The following SOX13 variants were observed in gnomAD, a reference collection of about 807,000 sequenced individuals.
SOX13 encodes the protein transcription factor SOX-13.
A neutral mutation model predicts 71.8 loss-of-function variants in SOX13; 28 were observed. The ratio of observed to expected loss-of-function variants is 0.39; its 90% CI spans 0.29 to 0.53. The LOEUF is 0.53. Among genes scored for constraint, SOX13 ranks in the 20% least tolerant of loss-of-function variants. SOX13 has a pLI of 0.70. For missense variants in SOX13, 627 were observed against 810.3 expected (o/e 0.77, Z 2.75); for synonymous variants, 309 against 317.8 (o/e 0.97, Z 0.29).
At chr1:204,078,702 TCCCTGCC>T (rs1447241582) in intron 1 of SOX13, among the ~76,000 whole-genome samples, 3 of 152,086 alleles carry the variant, frequency 2.0e-5, no homozygotes, top group Non-Finnish European at 4.4e-5. Context: ...TCCTGTCAGC[TCCCTGCC>T]CCGAAGCAGG....
intron 1 of SOX13, among the ~76,000 whole-genome samples, chr1:204,080,667 A>G (rs960154273): frequency 1.3e-5 from 2 of 152,078 alleles, no homozygotes; most frequent in Non-Finnish European, 2.9e-5. Flanking sequence ...AAAGGGGGTG[A>G]GGAACCTGGA....
intron 1 of SOX13, among the ~76,000 whole-genome samples, chr1:204,097,559 C>T (rs1289709456): frequency 3.3e-5 from 5 of 151,614 alleles, no homozygotes; most frequent in Admixed American, 2.0e-4. Flanking sequence ...GGCGTGGTGG[C>T]GCATGCCTGT....
At position 204,089,346 on chromosome 1, in the gene SOX13, G is replaced by A. The variant is rs142132039; in HGVS notation, c.-2+15635G>A. Among the ~76,000 whole-genome samples the A allele has an allele frequency of 2.5e-3, 376 of 152,330 alleles. 1 individual carries two copies. Among genetic ancestry groups the A allele is most frequent in the Non-Finnish European group, 3.8e-3 (260 of 68,038 alleles). ...CCTCTGGACAGCATGGCATTCCCAT[G>A]CGAGCCCAGACAGCCCTGGGGAGCA... On this transcript the variant is annotated intron_variant, in intron 1 of 13. Transcript: ENST00000367204.
intron 5 of SOX13, 64 bp from the exon 6 acceptor site, chr1:204,117,058 T>G (rs1558220581): frequency 6.5e-7 from 1 of 1,528,854 alleles, no homozygotes; most frequent in Non-Finnish European, 9.0e-7. Flanking sequence ...TGGTTAGGGC[T>G]GGGCAGACTG....
At chr1:204,075,449 G>C (rs575944427) in intron 1 of SOX13, among the ~76,000 whole-genome samples, 1 of 152,370 alleles carries the variant, frequency 6.6e-6, no homozygotes, top group Admixed American at 6.5e-5. Flanking sequence ...CAAGATGCTG[G>C]GATTCAGCAC....
rs768196084 is a variant in SOX13 at position 204,090,395 on chromosome 1, ACTT to A, written c.-2+16697_-2+16699del. ...CTGCCTCCTCCCTGACTAGCTCAAG[ACTT>A]CTTCTTCTTCTTTTTTTTTTTTTTT... On this transcript the variant is annotated intron_variant, in intron 1 of 13. Coordinates refer to ENST00000367204, the MANE Select transcript of SOX13 (RefSeq NM_005686.3). Among the ~76,000 whole-genome samples, 10 of 142,334 alleles carry A rather than the reference ACTT, an allele frequency of 7.0e-5. No homozygotes were observed. The East Asian group carries it at 1.4e-3, about 20-fold the overall frequency. 93.4% of individuals were successfully genotyped at this position (142,334 alleles called of 152,430 possible).
At chr1:204,121,251 T>C (rs1212690305) in intron 7 of SOX13, among the ~76,000 whole-genome samples, 3 of 152,164 alleles carry the variant, frequency 2.0e-5, no homozygotes, top group Non-Finnish European at 4.4e-5. Flanking sequence ...CCTCCCAAAG[T>C]GCTGGGATTA....
chr1:204,091,046 G>A (rs759597508), intron 1 of SOX13, among the ~76,000 whole-genome samples: 17 of 152,194 alleles, frequency 1.1e-4, no homozygotes, highest in Non-Finnish European at 1.8e-4. Context: ...TTCAGAATGG[G>A]TGGCTCATTC....
chr1:204,121,484 A>G (rs1243507302), intron 7 of SOX13, among the ~76,000 whole-genome samples: 1 of 152,222 alleles, frequency 6.6e-6, no homozygotes, highest in Non-Finnish European at 1.5e-5. Flanking sequence ...CCTGTTATAT[A>G]TCACATACCA....
At chr1:204,095,583 C>T (rs1558213715) in intron 1 of SOX13, among the ~76,000 whole-genome samples, 2 of 152,132 alleles carry the variant, frequency 1.3e-5, no homozygotes, top group African/African-American at 2.4e-5. Flanking sequence ...TTTATGGTCT[C>T]GCCTCTGTCC....
chr1:204,097,533 A>T (rs1571575694), intron 1 of SOX13, among the ~76,000 whole-genome samples: 1 of 152,022 alleles, frequency 6.6e-6, no homozygotes, highest in African/African-American at 2.4e-5. Flanking sequence ...CTCTACTAAA[A>T]ATACAAAATT....
At chr1:204,105,215 G>T (rs943279184) in intron 1 of SOX13, among the ~76,000 whole-genome samples, 47 of 152,316 alleles carry the variant, frequency 3.1e-4, no homozygotes, top group African/African-American at 1.1e-3. Flanking sequence ...GGCTCTGCAT[G>T]TCAAGGGCGA....
At chr1:204,086,441 C>T (rs1656020592) in intron 1 of SOX13, among the ~76,000 whole-genome samples, 1 of 152,094 alleles carries the variant, frequency 6.6e-6, no homozygotes, top group Non-Finnish European at 1.5e-5. Context: ...GTAGCTGGGA[C>T]TACACACATG....
At chr1:204,106,824 G>A (rs892906537) in intron 1 of SOX13, among the ~76,000 whole-genome samples, 5 of 151,962 alleles carry the variant, frequency 3.3e-5, no homozygotes, top group African/African-American at 9.7e-5. Flanking sequence ...TAAATTAAGC[G>A]TGTAAAGGTA....
At chr1:204,083,039 T>C (rs1655940290) in intron 1 of SOX13, among the ~76,000 whole-genome samples, 1 of 152,212 alleles carries the variant, frequency 6.6e-6, no homozygotes, top group Admixed American at 6.5e-5. Flanking sequence ...CACCTGACCT[T>C]AGATCCGTAC....
At chr1:204,076,236 C>T (rs189380206) in intron 1 of SOX13, among the ~76,000 whole-genome samples, 20 of 152,290 alleles carry the variant, frequency 1.3e-4, no homozygotes, top group Admixed American at 1.2e-3. Flanking sequence ...GTCCCTTGAG[C>T]GTCCTCAGCC....
At position 204,104,664 on chromosome 1, in the gene SOX13, G is replaced by A. The variant is rs1326703931; in HGVS notation, c.-1-8251G>A. Among the ~76,000 whole-genome samples, 4 of 152,212 alleles carry A rather than the reference G, an allele frequency of 2.6e-5. No homozygotes were observed. In the East Asian group the frequency reaches 7.7e-4, roughly 29 times the overall value. On this transcript the variant is annotated intron_variant, in intron 1 of 13. Transcript: ENST00000367204. Reference sequence around the variant, plus strand: ...GGCACCACCCACTCAGAGCAAGCTTGGGAGTGGGAGCCAGCAGTGGAGGGG... The same window carrying A: ...GGCACCACCCACTCAGAGCAAGCTTAGGAGTGGGAGCCAGCAGTGGAGGGG...
chr1:204,107,804 C>T (rs955115632), intron 1 of SOX13, among the ~76,000 whole-genome samples: 2 of 152,190 alleles, frequency 1.3e-5, no homozygotes, highest in Admixed American at 1.3e-4. Flanking sequence ...CAACTAAGGG[C>T]CAGTGCCCAG....
In SOX13 at chr1:204,123,741, G is replaced by A; in HGVS notation, c.1312G>A (p.Glu438Lys). The A allele has an allele frequency of 6.2e-7, 1 of 1,614,218 alleles. No individual in the cohort carries two copies. The highest frequency in any genetic ancestry group is 8.5e-7 in the Non-Finnish European group (1 of 1,180,038). The change falls in exon 12 of 14, where the codon GAG becomes AAG. Residue 438 changes from glutamate to lysine, a missense_variant. By Grantham distance (56) the Glu-to-Lys change is moderately conservative (BLOSUM62 1). Coordinates refer to ENST00000367204, the MANE Select transcript of SOX13 (RefSeq NM_005686.3). The surrounding 1 kb of genome is among the most constrained non-coding windows in gnomAD (Gnocchi z 5.0). ...MNAFMVWAKDERRKILQAFPD... is the reference protein window; with the variant it reads ...MNAFMVWAKDKRRKILQAFPD... ...CGCCTTCATGGTGTGGGCCAAGGATGAGCGGAGGAAGATCCTGCAAGCCTT... is the reference window on the plus strand; with the variant it reads ...CGCCTTCATGGTGTGGGCCAAGGATAAGCGGAGGAAGATCCTGCAAGCCTT...
Sources: gnomAD v4.1 joint callset for allele counts (sites outside exome capture counted in the v4.1 genomes callset) on GRCh38, gnomAD v4.1.1 for gene constraint, Gnocchi (gnomAD v3.1) non-coding constraint, MANE v1.5 for transcripts, NCBI Gene and HGNC (gene_info 2026-07-23, HGNC 2026-07-21) for gene names.